HSPA12A: variants seen among roughly 807,000 people sequenced by gnomAD.
The protein encoded by HSPA12A is heat shock 70 kDa protein 12A.
In HSPA12A, 28 loss-of-function variants were observed where a neutral mutation model predicts 69.2. The ratio of observed to expected loss-of-function variants is 0.40; its 90% CI spans 0.30 to 0.55. The LOEUF (loss-of-function observed/expected upper bound fraction) is 0.55, where lower values mean the gene tolerates loss of function less well. Ranked by LOEUF, HSPA12A falls within the 20% of genes least tolerant of loss-of-function variation. HSPA12A has a pLI of 0.38. For synonymous variants in HSPA12A, 345 were observed against 370.5 expected (o/e 0.93, Z 0.79); for missense variants, 686 against 900.7 (o/e 0.76, Z 3.05).
chr10:116,707,991 CCAGCAGCTAAG>C (rs1413174749), intron 1 of HSPA12A: 3 of 153,172 alleles, frequency 2.0e-5, no homozygotes, highest in Admixed American at 1.9e-4. Flanking sequence ...AGGCGAAGGG[CCAGCAGCTAAG>C]CAGCAGGAAC....
chr10:116,725,044 C>T (rs533612687), intron 1 of HSPA12A, among the ~76,000 whole-genome samples: 3 of 152,200 alleles, frequency 2.0e-5, no homozygotes, highest in Non-Finnish European at 2.9e-5. Flanking sequence ...AGCCTCACAG[C>T]GAGGAACAGC....
chr10:116,833,768 C>T (rs1042843190), intron 2 of HSPA12A, among the ~76,000 whole-genome samples: 10 of 152,188 alleles, frequency 6.6e-5, no homozygotes, highest in Middle Eastern at 3.2e-3. Flanking sequence ...TTTATTATTA[C>T]GTCTTCAGAA....
In HSPA12A at chr10:116,813,494, G is replaced by A. The variant is rs112409380; in HGVS notation, c.91+21441C>T. ...GATCTCCTGACCTCGTGATCCACCCGCCTCAGCCTCCCAAAGTGCTGGGAT... is the reference window on the plus strand; with the variant it reads ...GATCTCCTGACCTCGTGATCCACCCACCTCAGCCTCCCAAAGTGCTGGGAT... On this transcript the variant is annotated intron_variant, in intron 2 of 12. Coordinates refer to the HSPA12A transcript ENST00000635765. 1.3e-3 allele frequency among the ~76,000 whole-genome samples: 190 copies of A among 151,952 alleles called. 1 individual carries two copies. The highest frequency in any genetic ancestry group is 1.1e-3 in the Non-Finnish European group (75 of 67,946).
At chr10:116,801,195 G>A (rs914111981) in intron 2 of HSPA12A, among the ~76,000 whole-genome samples, 22 of 152,166 alleles carry the variant, frequency 1.4e-4, no homozygotes, top group Non-Finnish European at 8.8e-5. Context: ...CATAATGGCT[G>A]GATTCTAAGG....
chr10:116,744,203 T>C (rs1441069439), upstream of HSPA12A, among the ~76,000 whole-genome samples: 1 of 152,208 alleles, frequency 6.6e-6, no homozygotes, highest in Non-Finnish European at 1.5e-5. Flanking sequence ...CTTATGCTGG[T>C]ATTTCAAAGA....
chr10:116,769,651 C>T (rs1844154547), intron 2 of HSPA12A, among the ~76,000 whole-genome samples: 1 of 152,218 alleles, frequency 6.6e-6, no homozygotes, highest in Admixed American at 6.5e-5. Context: ...TAGAGCACTT[C>T]ATGGCTCAGA....
At chr10:116,715,890 G>T (rs1018835740) in intron 1 of HSPA12A, among the ~76,000 whole-genome samples, 1 of 152,196 alleles carries the variant, frequency 6.6e-6, no homozygotes, top group African/African-American at 2.4e-5. Context: ...CTCAGGGTGG[G>T]TGAAGGGCTC....
At position 116,841,017 on chromosome 10, in the gene HSPA12A, C is replaced by T. The variant is rs541651362; in HGVS notation, c.4-5995G>A. 3.9e-5 allele frequency among the ~76,000 whole-genome samples: 6 copies of T among 152,252 alleles called. No homozygotes were observed. The South Asian group carries it at 1.0e-3, about 26-fold the overall frequency. On this transcript the variant is annotated intron_variant, in intron 1 of 12. Coordinates refer to the HSPA12A transcript ENST00000635765. The stretch of plus-strand genomic sequence containing the variant: ...AGTTACTCACGCTGCTTCCCTTGGC[C>T]GTATCTCTAGGCACACACACACACA...
At chr10:116,817,532 TG>T (rs1323210570) in intron 2 of HSPA12A, among the ~76,000 whole-genome samples, 3 of 26,354 alleles carry the variant, frequency 1.1e-4, no homozygotes, top group East Asian at 9.0e-4. Context: ...TGGGTGGGGG[TG>T]GGGGGGATGG....
At chr10:116,772,678 A>G (rs1457848879) in intron 2 of HSPA12A, among the ~76,000 whole-genome samples, 1 of 151,054 alleles carries the variant, frequency 6.6e-6, no homozygotes, top group Non-Finnish European at 1.5e-5. Flanking sequence ...TCTTTATTTT[A>G]TTTATTTGTT....
chr10:116,819,848 G>GT (rs1304486837), intron 2 of HSPA12A, among the ~76,000 whole-genome samples: 1 of 152,100 alleles, frequency 6.6e-6, no homozygotes, highest in Non-Finnish European at 1.5e-5. Context: ...TTTTTTGTTT[G>GT]TTTTTTGAGA....
At chr10:116,805,752 CA>C (rs1294920291) in intron 2 of HSPA12A, among the ~76,000 whole-genome samples, 1 of 152,168 alleles carries the variant, frequency 6.6e-6, no homozygotes, top group Non-Finnish European at 1.5e-5. Context: ...GCAATCTTTC[CA>C]ATTTAATACA....
intron 2 of HSPA12A, among the ~76,000 whole-genome samples, chr10:116,825,185 T>C (rs1265436274): frequency 1.9e-5 from 2 of 107,210 alleles, no homozygotes; most frequent in Non-Finnish European, 4.4e-5. Flanking sequence ...AGACCTTGTC[T>C]CAAAAAAAAA....
intron 2 of HSPA12A, among the ~76,000 whole-genome samples, chr10:116,797,088 T>G (rs779722734): frequency 2.6e-5 from 4 of 152,202 alleles, no homozygotes; most frequent in Non-Finnish European, 5.9e-5. Context: ...AGGAGCTGGC[T>G]GAGAGCACGC....
intron 2 of HSPA12A, chr10:116,828,935 T>C (rs1845560833): frequency 6.6e-6 from 1 of 152,194 alleles, no homozygotes; most frequent in Non-Finnish European, 1.5e-5. Flanking sequence ...GGTGCAAAAG[T>C]GTGAGAAACA....
intron 5 of HSPA12A, among the ~76,000 whole-genome samples, chr10:116,696,243 C>T (rs188338307): frequency 6.6e-6 from 1 of 152,102 alleles, no homozygotes; most frequent in African/African-American, 2.4e-5. Context: ...CACAGTGGCA[C>T]AAAATAGACT....
At chr10:116,732,328 C>CAAAGAAAAGAAAGAAAGAAAG (rs1851181496) in intron 1 of HSPA12A, among the ~76,000 whole-genome samples, 1 of 124,076 alleles carries the variant, frequency 8.1e-6, no homozygotes, top group Non-Finnish European at 1.8e-5. Context: ...TCAAAAAAAA[C>CAAAGAAAAGAAAGAAAGAAAG]AAAGAAAGAA....
intron 2 of HSPA12A, among the ~76,000 whole-genome samples, chr10:116,802,687 G>T (rs754693530): frequency 2.0e-5 from 3 of 152,222 alleles, no homozygotes; most frequent in Admixed American, 6.5e-5. Flanking sequence ...CCACAGGAAG[G>T]GGGCAGCTTA....
chr10:116,709,488 G>A (rs559666110), intron 1 of HSPA12A, among the ~76,000 whole-genome samples: 1 of 152,006 alleles, frequency 6.6e-6, no homozygotes, highest in South Asian at 2.1e-4. Flanking sequence ...ACCAAATGTG[G>A]TATATCCATA....
Sources: gnomAD v4.1 joint callset for allele counts (sites outside exome capture counted in the v4.1 genomes callset) on GRCh38, gnomAD v4.1.1 for gene constraint, MANE v1.5 for transcripts, NCBI Gene and HGNC (gene_info 2026-07-23, HGNC 2026-07-21) for gene names.